DOCK8: variants seen among roughly 807,000 people sequenced by gnomAD.
DOCK8 encodes dedicator of cytokinesis protein 8.
DOCK8 carries 141 observed loss-of-function variants against 245.6 expected under a neutral mutation model. The ratio of observed to expected loss-of-function variants is 0.57; its 90% CI spans 0.50 to 0.66. The LOEUF (loss-of-function observed/expected upper bound fraction) is 0.66. Among genes scored for constraint, DOCK8 ranks in the 30% least tolerant of loss-of-function variants. The pLI, the probability that DOCK8 is intolerant of heterozygous loss-of-function variation, is 0.00. For missense variants in DOCK8, 2,965 were observed against 2,603.4 expected, an observed-to-expected ratio of 1.14 and a Z score of -3.02; for synonymous variants, 1,168 against 970.2, an observed-to-expected ratio of 1.20 and a Z score of -3.79.
intron 2 of DOCK8, among the ~76,000 whole-genome samples, chr9:282,378 C>T (rs539297398): frequency 6.6e-6 from 1 of 150,848 alleles, no homozygotes; most frequent in Admixed American, 6.6e-5. Context: ...CTTTGAATTT[C>T]AGGGACATGA....
intron 14 of DOCK8, among the ~76,000 whole-genome samples, chr9:341,098 C>T (rs2051565395): frequency 6.6e-6 from 1 of 152,184 alleles, no homozygotes; most frequent in Non-Finnish European, 1.5e-5. Flanking sequence ...TGTATGTGTG[C>T]CAGCAGTACA....
At chr9:304,790 G>A (rs1210170741) in intron 5 of DOCK8, 86 bp downstream of exon 5, 7 of 1,586,736 alleles carry the variant, frequency 4.4e-6, no homozygotes, top group South Asian at 2.2e-5. Context: ...TAGAATAAAC[G>A]ATAGACGCAT....
In DOCK8 at chr9:336,611, T is replaced by C. The variant is rs763830116; in HGVS notation, c.1315T>C (p.Leu439=). The change falls in exon 12 of 48, where the codon TTG becomes CTG. Residue 439 remains leucine (L), a synonymous_variant. Transcript: ENST00000432829. ...AAGCTCAGTGGGTGAACGGAGGACA[T>C]TGGCCCAATCTAGAAGGCTTTCTGA... The part of the protein sequence containing the change: ...GRSSVGERRT[L]AQSRRLSERA... 7 of 1,614,078 alleles carry C rather than the reference T, an allele frequency of 4.3e-6. No individual in the cohort carries two copies. In the South Asian group the frequency reaches 4.4e-5, roughly 10 times the overall value.
In DOCK8 at chr9:414,940, G is replaced by A. The variant is rs2055920205; in HGVS notation, c.3689G>A (p.Cys1230Tyr). Residue 1230 changes from cysteine to tyrosine, a missense_variant, in exon 29 of 48, where the codon TGT (cysteine) becomes TAT (tyrosine). Transcript: ENST00000432829. ...ATTTTGGATGCTTTGCCACAGCTCT[G>A]TGACTTTACAGGTAATGGCCCTTCT... ...GIILDALPQL[C>Y]DFTVADTRRY... The A allele has an allele frequency of 1.2e-6, 2 of 1,613,546 alleles. No homozygotes were observed. Among genetic ancestry groups the A allele is most frequent in the Non-Finnish European group, 1.7e-6 (2 of 1,180,042 alleles).
intron 14 of DOCK8, 104 bp from the exon 15 acceptor site, chr9:367,914 T>G: frequency 1.1e-6 from 1 of 942,094 alleles, no homozygotes; most frequent in Non-Finnish European, 1.7e-6. Flanking sequence ...AAAAACTTCT[T>G]TGGAAAAAGC....
Position 314,770 on chromosome 9 carries a change from G to A in DOCK8, c.742-2273G>A, listed in dbSNP as rs78068915. Among the ~76,000 whole-genome samples, 717 of 152,108 alleles carry A rather than the reference G, an allele frequency of 4.7e-3. 5 individuals carry two copies. Among genetic ancestry groups the A allele is most frequent in the African/African-American group, 0.017 (692 of 41,460 alleles). ...GGTAAATTTCTGCCTACTCTGACAT[G>A]ATTACAAATGCTGGTTTTTTCGATG... On this transcript the variant is annotated intron_variant, in intron 6 of 47. Transcript: ENST00000432829.
At chr9:382,472 T>C in intron 21 of DOCK8, 41 bp from the exon 22 acceptor site, 1 of 1,612,192 alleles carries the variant, frequency 6.2e-7, no homozygotes, top group Non-Finnish European at 8.5e-7. Flanking sequence ...AGTAACTCTG[T>C]TCCCCTGTCT....
chr9:358,070 CTATT>C (rs1229002194), intron 14 of DOCK8, among the ~76,000 whole-genome samples: 3 of 152,100 alleles, frequency 2.0e-5, no homozygotes, highest in South Asian at 4.1e-4. Flanking sequence ...CCTTCTCATT[CTATT>C]TATTTATTTA....
intron 2 of DOCK8, among the ~76,000 whole-genome samples, chr9:274,518 C>G (rs1197721398): frequency 7.2e-6 from 1 of 138,802 alleles, no homozygotes; most frequent in Admixed American, 8.0e-5. Context: ...GAATAGTCTG[C>G]TTAGGAAATC....
intron 40 of DOCK8, 22 bp from the exon 41 acceptor site, chr9:441,264 A>G (rs1189428197): frequency 1.2e-6 from 2 of 1,613,938 alleles, no homozygotes; most frequent in Admixed American, 1.7e-5. Context: ...ATTCTCTCTG[A>G]TGCTCTTCTC....
chr9:263,722 G>T (rs1421979821), intron 1 of DOCK8, among the ~76,000 whole-genome samples: 3 of 152,158 alleles, frequency 2.0e-5, no homozygotes, highest in Non-Finnish European at 4.4e-5. Flanking sequence ...TCACTAGGTA[G>T]AAAATTCTAG....
chr9:399,335 G>T, intron 26 of DOCK8, 76 bp downstream of exon 26: 1 of 1,102,892 alleles, frequency 9.1e-7, no homozygotes, highest in Non-Finnish European at 1.4e-6. Flanking sequence ...TCGTTGCCAT[G>T]GCACGCTGTC....
intron 1 of DOCK8, among the ~76,000 whole-genome samples, chr9:233,389 G>C (rs1359646888): frequency 6.6e-6 from 1 of 152,196 alleles, no homozygotes; most frequent in Non-Finnish European, 1.5e-5. Flanking sequence ...TTGGGGTGGA[G>C]AGTTCTGTAG....
At chr9:337,649 A>G (rs1396935462) in intron 12 of DOCK8, among the ~76,000 whole-genome samples, 2 of 152,152 alleles carry the variant, frequency 1.3e-5, no homozygotes, top group Non-Finnish European at 2.9e-5. Context: ...AAACATCAAG[A>G]CTATTTAAAA....
rs1452713809 is a variant in DOCK8 at position 451,889 on chromosome 9, A to G, written c.5962-122A>G. ...TGTGTGTGTATATATATATACATATATATGCATATACATATACATATGCAT... is the reference window on the plus strand; with the variant it reads ...TGTGTGTGTATATATATATACATATGTATGCATATACATATACATATGCAT... On this transcript the variant is annotated intron_variant, in intron 45 of 47. Transcript: ENST00000432829. 5 of 220,404 alleles carry G rather than the reference A, an allele frequency of 2.3e-5. No individual in the cohort carries two copies. The East Asian group carries it at 4.9e-4, about 21-fold the overall frequency. 13.7% of individuals were successfully genotyped at this position (220,404 alleles called of 1,614,324 possible).
At chr9:311,246 T>C (rs1160494286) in intron 5 of DOCK8, among the ~76,000 whole-genome samples, 12 of 150,662 alleles carry the variant, frequency 8.0e-5, no homozygotes, top group Admixed American at 1.3e-4. Context: ...GATGGCGCCA[T>C]TGCACTCAAG....
intron 2 of DOCK8, among the ~76,000 whole-genome samples, chr9:281,743 C>G (rs905380658): frequency 6.6e-6 from 1 of 151,964 alleles, no homozygotes; most frequent in Non-Finnish European, 1.5e-5. Context: ...TTTTTAGTTC[C>G]TGGTTATTAC....
In DOCK8 at chr9:444,335, A is replaced by T. The variant is rs181897458; in HGVS notation, c.5580+819A>T. 3.3e-3 allele frequency among the ~76,000 whole-genome samples: 472 copies of T among 143,618 alleles called. 2 individuals carry two copies. The highest frequency in any genetic ancestry group is 0.011 in the African/African-American group (443 of 39,604). The allele number at this position is 143,618 out of a possible 152,430, so 94.2% of individuals were successfully genotyped here. ...GCTTGAAAATAGGAGAAAACAAAGC[A>T]AATAATAATAATAATAATAATAATA... On this transcript the variant is annotated intron_variant, in intron 43 of 47. Coordinates refer to ENST00000432829, the MANE Select transcript of DOCK8 (RefSeq NM_203447.4).
At chr9:361,584 C>T (rs1340588232) in intron 14 of DOCK8, among the ~76,000 whole-genome samples, 1 of 152,134 alleles carries the variant, frequency 6.6e-6, no homozygotes, top group Admixed American at 6.5e-5. Context: ...CATTTCCACC[C>T]ATTATCTAAT....
Sources: allele counts gnomAD v4.1 joint callset (sites outside exome capture counted in the v4.1 genomes callset), GRCh38; gene constraint gnomAD v4.1.1; transcripts MANE v1.5; gene names NCBI Gene and HGNC (gene_info 2026-07-23, HGNC 2026-07-21).